ANKRD13A: variants seen among roughly 807,000 people sequenced by gnomAD.
ANKRD13A encodes the protein ankyrin repeat domain 13A, also known as ankyrin repeat domain-containing protein 13A.
In ANKRD13A, 48 loss-of-function variants were observed where a neutral mutation model predicts 81.3. The ratio of observed to expected loss-of-function variants is 0.59; its 90% confidence interval spans 0.47 to 0.75. ANKRD13A has a LOEUF of 0.75. Among genes scored for constraint, ANKRD13A ranks in the 30% least tolerant of loss-of-function variants. The pLI, the probability that ANKRD13A is intolerant of heterozygous loss-of-function variation, is 0.00. For missense variants in ANKRD13A, 612 were observed against 734.0 expected, an observed-to-expected ratio of 0.83 and a Z score of 1.92; for synonymous variants, 230 against 270.1, an observed-to-expected ratio of 0.85 and a Z score of 1.45.
intron 7 of ANKRD13A, among the ~76,000 whole-genome samples, chr12:110,024,469 A>G (rs1219820740): frequency 6.6e-6 from 1 of 152,170 alleles, no homozygotes; most frequent in African/African-American, 2.4e-5. Flanking sequence ...GTTGTGTAGT[A>G]GCTTTTGAGT....
intron 1 of ANKRD13A, among the ~76,000 whole-genome samples, chr12:110,002,815 CAAGA>C (rs1890048314): frequency 6.6e-6 from 1 of 152,044 alleles, no homozygotes; most frequent in African/African-American, 2.4e-5. Flanking sequence ...AACAGCAACA[CAAGA>C]AAGAATCAAG....
chr12:110,018,462 G>C lies in ANKRD13A; in HGVS notation c.518G>C (p.Arg173Thr). 1 of 1,614,140 alleles carries C rather than the reference G, an allele frequency of 6.2e-7. No individual in the cohort carries two copies. The highest frequency in any genetic ancestry group is 8.5e-7 in the Non-Finnish European group (1 of 1,180,032). ...GFENMSWIRG[R>T]RSFIFKGEDN... ...GAAAACATGAGCTGGATAAGAGGGA[G>C]GCGTAGTTTTATATTTAAGGGAGAA... Residue 173 changes from arginine (R) to threonine (T), a missense_variant, in exon 5 of 15, where the codon AGG (arginine) becomes ACG (threonine). Coordinates refer to ENST00000261739, the MANE Select transcript of ANKRD13A (RefSeq NM_033121.2). The surrounding 1 kb of genome is among the most constrained non-coding windows in gnomAD (Gnocchi z 4.4).
intron 1 of ANKRD13A, among the ~76,000 whole-genome samples, chr12:110,011,596 C>T (rs1176222101): frequency 1.3e-5 from 2 of 152,150 alleles, no homozygotes; most frequent in African/African-American, 4.8e-5. Context: ...GATTAAGGTC[C>T]TATACTTCCT....
intron 8 of ANKRD13A, chr12:110,027,375 T>A (rs1891402544): frequency 3.6e-6 from 1 of 281,142 alleles, no homozygotes; most frequent in South Asian, 4.2e-5. Context: ...ATTACTCCAC[T>A]TTGACAGATG....
At chr12:110,020,484 G>A (rs1396521371) in intron 6 of ANKRD13A, among the ~76,000 whole-genome samples, 1 of 152,230 alleles carries the variant, frequency 6.6e-6, no homozygotes, top group East Asian at 1.9e-4. Flanking sequence ...AGTGTGTCCA[G>A]GGCTGCTGCT....
rs925127609 is a variant in ANKRD13A, at chr12:110,036,430, A to G, written c.1577+102A>G. 2 of 1,220,684 alleles carry G rather than the reference A, an allele frequency of 1.6e-6. No individual in the cohort carries two copies. Among genetic ancestry groups the G allele is most frequent in the Non-Finnish European group, 2.4e-6 (2 of 826,070 alleles). The allele number at this position is 1,220,684 out of a possible 1,614,324, so 75.6% of individuals were successfully genotyped here. A position where few individuals can be genotyped will look rare whatever the true frequency, so the allele number is the denominator to read the frequency against. ...GTGCATTTGGTCCTCAGGCAGATGT[A>G]CGGTGCCACAAACTGGCAGGAAAGA... On this transcript the variant is annotated intron_variant, in intron 14 of 14. Coordinates refer to ENST00000261739, the MANE Select transcript of ANKRD13A (RefSeq NM_033121.2). The surrounding 1 kb of genome is among the most constrained non-coding windows in gnomAD (Gnocchi z 4.6).
chr12:110,000,675 G>GC (rs1441554059), intron 1 of ANKRD13A, among the ~76,000 whole-genome samples: 2 of 151,542 alleles, frequency 1.3e-5, no homozygotes, highest in African/African-American at 4.8e-5. Context: ...GGCCAAGACA[G>GC]CCCCCCGCAA....
At chr12:110,004,885 G>C (rs1890161528) in intron 1 of ANKRD13A, among the ~76,000 whole-genome samples, 1 of 152,100 alleles carries the variant, frequency 6.6e-6, no homozygotes, top group Non-Finnish European at 1.5e-5. Context: ...CTGTAAGGTA[G>C]GTTTTTTTTA....
intron 1 of ANKRD13A, among the ~76,000 whole-genome samples, chr12:110,011,593 G>GATT: frequency 6.6e-6 from 1 of 152,140 alleles, no homozygotes; most frequent in Non-Finnish European, 1.5e-5. Flanking sequence ...TTTGATTAAG[G>GATT]TCCTATACTT....
intron 3 of ANKRD13A, among the ~76,000 whole-genome samples, chr12:110,013,745 G>A (rs1400703896): frequency 2.0e-5 from 3 of 152,020 alleles, no homozygotes; most frequent in Non-Finnish European, 2.9e-5. Flanking sequence ...TGCAGTGATC[G>A]CACCCCTGCA....
chr12:110,030,800 A>G, intron 12 of ANKRD13A, 42 bp downstream of exon 12: 1 of 1,406,930 alleles, frequency 7.1e-7, no homozygotes, highest in Non-Finnish European at 9.6e-7. Flanking sequence ...TTGTTATTTA[A>G]AAAAAAATTT....
chr12:110,005,030 G>A (rs890153635), intron 1 of ANKRD13A, among the ~76,000 whole-genome samples: 2 of 152,028 alleles, frequency 1.3e-5, no homozygotes, highest in African/African-American at 4.8e-5. Flanking sequence ...TTTTTATTGC[G>A]ATATAGTTCA....
chr12:110,038,914 T>G lies in ANKRD13A; in HGVS notation c.*1360T>G, dbSNP rs1892213334. On this transcript the variant is annotated 3_prime_UTR_variant, in exon 15 of 15. Transcript: ENST00000261739. The stretch of plus-strand genomic sequence containing the variant: ...CTGGTAAACAACACCCTCCTCCATT[T>G]TGCGTCTATTTCTTCTATTGTGCTT... The G allele has an allele frequency of 1.3e-5, 2 of 152,228 alleles. No individual in the cohort carries two copies. The highest frequency in any genetic ancestry group is 2.9e-5 in the Non-Finnish European group (2 of 68,050). The allele number at this position is 152,228 out of a possible 1,614,324, so 9.4% of individuals were successfully genotyped here. A position where few individuals can be genotyped will look rare whatever the true frequency, so the allele number is the denominator to read the frequency against.
intron 13 of ANKRD13A, among the ~76,000 whole-genome samples, chr12:110,035,575 G>A (rs1349757125): frequency 7.2e-5 from 11 of 151,898 alleles, no homozygotes; most frequent in African/African-American, 1.7e-4. Flanking sequence ...TCACCCTCCC[G>A]AGTAGCTGGG....
At chr12:110,023,844 T>C (rs1419778457) in intron 6 of ANKRD13A, 6 of 495,712 alleles carry the variant, frequency 1.2e-5, no homozygotes, top group African/African-American at 3.9e-5. Flanking sequence ...GTGAGGCAAA[T>C]TGATTAATAA....
At chr12:110,022,862 C>T (rs1891146883) in intron 6 of ANKRD13A, among the ~76,000 whole-genome samples, 2 of 152,134 alleles carry the variant, frequency 1.3e-5, no homozygotes, top group African/African-American at 4.8e-5. Flanking sequence ...TTTAGGATTC[C>T]TCTGTTTCCA....
At chr12:110,011,037 C>A (rs1284233114) in intron 1 of ANKRD13A, among the ~76,000 whole-genome samples, 7 of 151,384 alleles carry the variant, frequency 4.6e-5, no homozygotes, top group Non-Finnish European at 4.4e-5. Context: ...TCCAAGAGGT[C>A]AAGGCTGCAG....
rs116251419 is a variant in ANKRD13A at position 110,007,124 on chromosome 12, T to C, written c.97-4881T>C. ...TAGCTTTGTGTAGTACGTTTTAAAA[T>C]TGGCAAGCGTGAAATGTGAGTCCTC... On this transcript the variant is annotated intron_variant, in intron 1 of 14. Coordinates refer to ENST00000261739, the MANE Select transcript of ANKRD13A (RefSeq NM_033121.2). Among the ~76,000 whole-genome samples the C allele has an allele frequency of 8.0e-3, 1,214 of 152,320 alleles. 25 individuals carry two copies. Among genetic ancestry groups the C allele is most frequent in the African/African-American group, 0.028 (1,170 of 41,564 alleles).
rs866252418 is a variant in ANKRD13A at position 110,014,284 on chromosome 12, C to T, written c.354+1035C>T. Among the ~76,000 whole-genome samples, 7 of 152,024 alleles carry T rather than the reference C, an allele frequency of 4.6e-5. No individual in the cohort carries two copies. The Middle Eastern group carries it at 0.014, about 295-fold the overall frequency. On this transcript the variant is annotated intron_variant, in intron 3 of 14. Coordinates refer to ENST00000261739, the MANE Select transcript of ANKRD13A (RefSeq NM_033121.2). ...AAAATTAGCCGGGTGTGGTGGCGGG[C>T]GCCTGTAGTCCCAGCTACTCAGGAG...
Sources: allele counts gnomAD v4.1 joint callset (sites outside exome capture counted in the v4.1 genomes callset), GRCh38; gene constraint gnomAD v4.1.1; non-coding constraint Gnocchi (gnomAD v3.1); transcripts MANE v1.5; gene names NCBI Gene and HGNC (gene_info 2026-07-23, HGNC 2026-07-21).